Variants in DEPDC4 observed in about 807,000 individuals in gnomAD.
DEPDC4 encodes DEP domain-containing protein 4.
A neutral mutation model predicts 52.0 loss-of-function variants in DEPDC4; 52 were observed. The ratio of observed to expected loss-of-function variants is 1.00; its 90% CI spans 0.80 to 1.26. DEPDC4 has a LOEUF of 1.26. DEPDC4 is among the 50% of genes most tolerant of loss of function. DEPDC4 has a pLI of 0.00. For synonymous variants in DEPDC4, 201 were observed against 196.8 expected (o/e 1.02, Z -0.18); for missense variants, 530 against 546.9 (o/e 0.97, Z 0.31).
At chr12:100,247,356 C>A (rs555075275) in intron 8 of DEPDC4, among the ~76,000 whole-genome samples, 9 of 151,980 alleles carry the variant, frequency 5.9e-5, no homozygotes, top group African/African-American at 9.7e-5. Flanking sequence ...CAGGCATGCA[C>A]CACCACACCT....
At chr12:100,232,370 T>C (rs1376757040) in intron 9 of DEPDC4, among the ~76,000 whole-genome samples, 2 of 150,278 alleles carry the variant, frequency 1.3e-5, no homozygotes, top group African/African-American at 2.5e-5. Flanking sequence ...CACTCCAGCC[T>C]GGGCGACAGA....
Position 100,247,519 on chromosome 12 carries a change from TGAATA to T in DEPDC4, c.1453+1376_1453+1380del, listed in dbSNP as rs576780431. ...CCGCACCCAGCCTAGCATATATTGT[TGAATA>T]GAAATAAAGAGTAAAATGCTGACAA... On this transcript the variant is annotated intron_variant, in intron 8 of 9. Coordinates refer to ENST00000550587, the MANE Select transcript of DEPDC4 (RefSeq NM_001364818.2). 2.6e-5 allele frequency among the ~76,000 whole-genome samples: 4 copies of T among 152,250 alleles called. No homozygotes were observed. The South Asian group carries it at 8.3e-4, about 32-fold the overall frequency.
Position 100,248,974 on chromosome 12 carries a change from G to A in DEPDC4, c.1379C>T (p.Pro460Leu), listed in dbSNP as rs1003050788. 1.3e-4 allele frequency: 131 copies of A among 982,236 alleles called. No individual in the cohort carries two copies. Among genetic ancestry groups the A allele is most frequent in the Middle Eastern group, 5.2e-4 (1 of 1,928 alleles). 60.8% of individuals were successfully genotyped at this position (982,236 alleles called of 1,614,324 possible). A position where few individuals can be genotyped will look rare whatever the true frequency, so the allele number is the denominator to read the frequency against. ...ACTAACCAGATCCAATAAAGTAACTGGTGTCTACACAAAACAGGTATTTTC... is the reference window on the plus strand; with the variant it reads ...ACTAACCAGATCCAATAAAGTAACTAGTGTCTACACAAAACAGGTATTTTC... ...LEYHSELFKTPVTLLDLVSKK... is the reference protein window; with the variant it reads ...LEYHSELFKTLVTLLDLVSKK... Residue 460 changes from proline to leucine, a missense_variant, in exon 8 of 10, where the codon CCA (proline) becomes CTA (leucine). Coordinates refer to ENST00000550587, the MANE Select transcript of DEPDC4 (RefSeq NM_001364818.2).
upstream of DEPDC4, among the ~76,000 whole-genome samples, chr12:100,269,421 A>G (rs1354056725): frequency 2.0e-5 from 3 of 152,098 alleles, no homozygotes. Context: ...TGTTCTTACC[A>G]CACCATTGAA....
At chr12:100,239,867 C>T (rs1000577170), downstream of DEPDC4, among the ~76,000 whole-genome samples, 19 of 152,064 alleles carry the variant, frequency 1.2e-4, 2 homozygotes, top group African/African-American at 4.3e-4. Context: ...TATAGTGAGA[C>T]TCCATCTCTA....
At chr12:100,242,161 G>T (rs1448483333) in intron 9 of DEPDC4, among the ~76,000 whole-genome samples, 1 of 152,176 alleles carries the variant, frequency 6.6e-6, no homozygotes, top group Non-Finnish European at 1.5e-5. Flanking sequence ...AACAAAGAAT[G>T]TCTGAATTCT....
At chr12:100,273,594 G>A in the DEPDC4 span, among the ~76,000 whole-genome samples, 2 of 152,160 alleles carry the variant, frequency 1.3e-5, no homozygotes, top group Admixed American at 6.6e-5. Context: ...TCTGGATGAT[G>A]GATAGCATCT....
At chr12:100,277,792 G>A in the DEPDC4 span, among the ~76,000 whole-genome samples, 1 of 150,916 alleles carries the variant, frequency 6.6e-6, no homozygotes, top group Non-Finnish European at 1.5e-5. Context: ...CCTCTTTTCC[G>A]CTTCTTTTTA....
At chr12:100,271,249 T>C (rs2096287280), upstream of DEPDC4, among the ~76,000 whole-genome samples, 1 of 122,542 alleles carries the variant, frequency 8.2e-6, no homozygotes, top group African/African-American at 3.6e-5. Flanking sequence ...GCCCTGCTCC[T>C]TGCAGAGCAG....
upstream of DEPDC4, chr12:100,267,385 A>G (rs994885018): frequency 1.5e-5 from 4 of 260,380 alleles, no homozygotes; most frequent in Non-Finnish European, 2.2e-5. Flanking sequence ...CCCCTCCTGG[A>G]AGAAGGAAGA....
upstream of DEPDC4, chr12:100,267,666 C>G (rs931736246): frequency 1.3e-5 from 2 of 152,300 alleles, no homozygotes; most frequent in African/African-American, 4.8e-5. Context: ...GGCCTTGAGG[C>G]GACGGGAGAC....
intron 1 of DEPDC4, among the ~76,000 whole-genome samples, chr12:100,265,725 C>T (rs530574682): frequency 1.8e-4 from 28 of 152,228 alleles, no homozygotes; most frequent in African/African-American, 6.3e-4. Flanking sequence ...AAAAGAAAAA[C>T]CCAAAACAAA....
chr12:100,251,829 A>G (rs1457650879), intron 7 of DEPDC4, among the ~76,000 whole-genome samples: 1 of 151,708 alleles, frequency 6.6e-6, no homozygotes, highest in Non-Finnish European at 1.5e-5. Flanking sequence ...TGGGCCTCCT[A>G]AAGTGCTGGG....
chr12:100,236,514 C>CTAAA (rs2096141627), downstream of DEPDC4, among the ~76,000 whole-genome samples: 1 of 151,854 alleles, frequency 6.6e-6, no homozygotes, highest in Non-Finnish European at 1.5e-5. Context: ...CTATTCATGT[C>CTAAA]CTTAGCCCAC....
chr12:100,233,442 G>C lies in DEPDC4; in HGVS notation c.*699+4526C>G, dbSNP rs560408073. 3.3e-5 allele frequency among the ~76,000 whole-genome samples: 5 copies of C among 152,252 alleles called. No homozygotes were observed. In the South Asian group the frequency reaches 1.0e-3, roughly 32 times the overall value. ...AACTTTAAATACTGCTTCTCTTTCAGATGCCATAATAAAATAGTTGTATAG... is the reference window on the plus strand; with the variant it reads ...AACTTTAAATACTGCTTCTCTTTCACATGCCATAATAAAATAGTTGTATAG... On this transcript the variant is annotated intron_variant and NMD_transcript_variant, in intron 9 of 10. Transcript: ENST00000378244.
At chr12:100,260,028 C>A (rs2096248138) in intron 3 of DEPDC4, among the ~76,000 whole-genome samples, 1 of 151,252 alleles carries the variant, frequency 6.6e-6, no homozygotes, top group African/African-American at 2.4e-5. Context: ...TTACAGGCTA[C>A]TGTAAAATCA....
At chr12:100,274,625 C>A in the DEPDC4 span, among the ~76,000 whole-genome samples, 4 of 152,146 alleles carry the variant, frequency 2.6e-5, no homozygotes, top group Non-Finnish European at 5.9e-5. Flanking sequence ...CCCCCTCCTC[C>A]CACAAAATTT....
chr12:100,257,500 C>T (rs953920456), intron 3 of DEPDC4, among the ~76,000 whole-genome samples: 3 of 151,994 alleles, frequency 2.0e-5, no homozygotes, highest in African/African-American at 7.3e-5. Flanking sequence ...CTCAGCCTAC[C>T]GAGTAGCTGG....
chr12:100,277,759 G>C, the DEPDC4 span, among the ~76,000 whole-genome samples: 3 of 151,862 alleles, frequency 2.0e-5, no homozygotes, highest in Non-Finnish European at 4.4e-5. Flanking sequence ...TTTTGTATTT[G>C]CCACATTTGT....
Sources: gnomAD v4.1 joint callset for allele counts (sites outside exome capture counted in the v4.1 genomes callset) on GRCh38, gnomAD v4.1.1 for gene constraint, MANE v1.5 for transcripts, NCBI Gene and HGNC (gene_info 2026-07-23, HGNC 2026-07-21) for gene names.